Variants in NEFH observed in about 807,000 individuals in gnomAD.
The protein encoded by NEFH is neurofilament heavy polypeptide.
In NEFH, 58 loss-of-function variants were observed where a neutral mutation model predicts 56.6. The ratio of observed to expected loss-of-function variants is 1.03; its 90% CI spans 0.83 to 1.28. The LOEUF (loss-of-function observed/expected upper bound fraction) is 1.28, where lower values mean the gene tolerates loss of function less well. Ranked by LOEUF, NEFH falls within the 50% of genes most tolerant of loss-of-function variation. NEFH has a pLI of 0.00. For synonymous variants in NEFH, 542 were observed against 545.8 expected (o/e 0.99, Z 0.10); for missense variants, 1,221 against 1,307.6 (o/e 0.93, Z 1.02).
intron 2 of NEFH, among the ~76,000 whole-genome samples, chr22:29,484,316 G>C (rs1003884962): frequency 6.6e-6 from 1 of 152,192 alleles, no homozygotes; most frequent in Non-Finnish European, 1.5e-5. Context: ...TGGGTGGCCA[G>C]GGGAAGACCT....
At position 29,490,203 on chromosome 22, in the gene NEFH, GA is replaced by G; in HGVS notation, c.2564del (p.Glu855GlyfsTer62). 6.2e-7 allele frequency: 1 copy of G among 1,611,148 alleles called. No individual in the cohort carries two copies. The highest frequency in any genetic ancestry group is 1.3e-5 in the African/African-American group (1 of 74,978). On this transcript the variant is annotated frameshift_variant, in exon 4 of 4. Coordinates refer to ENST00000310624, the MANE Select transcript of NEFH (RefSeq NM_021076.4). LOFTEE classifies it high-confidence loss of function. Reference sequence around the variant, plus strand: ...AGCCCCTGCCACACCAAAAACAGAGGAGAAGAAGGACAGCAAGAAAGAGGAG... The same window carrying G: ...AGCCCCTGCCACACCAAAAACAGAGGGAAGAAGGACAGCAAGAAAGAGGAG... ...EKAPATPKTE[E>X]KKDSKKEEAP...
At position 29,490,422 on chromosome 22, in the gene NEFH, G is replaced by T. The variant is rs199532217; in HGVS notation, c.2782G>T (p.Val928Leu). The change falls in exon 4 of 4, where the codon GTA becomes TTA. Residue 928 changes from valine (V) to leucine (L), a missense_variant. This residue lies in a region of NEFH where 301 missense variants were observed against 346.6 expected (regional missense o/e 0.87). Transcript: ENST00000310624. Reference sequence around the variant, plus strand: ...CGCTAAACCCAAAGAAAAGACAGAGGTAGCCAAGAAGGAACCAGATGATGC... The same window carrying T: ...CGCTAAACCCAAAGAAAAGACAGAGTTAGCCAAGAAGGAACCAGATGATGC... ...EDAKPKEKTE[V>L]AKKEPDDAKA... The T allele has an allele frequency of 4.0e-5, 64 of 1,609,628 alleles. No homozygotes were observed. The highest frequency in any genetic ancestry group is 5.1e-5 in the Non-Finnish European group (60 of 1,179,096).
Position 29,480,340 on chromosome 22 carries a change from C to G in NEFH, c.78C>G (p.Tyr26Ter). 4 of 1,521,814 alleles carry G rather than the reference C, an allele frequency of 2.6e-6. No individual in the cohort carries two copies. Among genetic ancestry groups the G allele is most frequent in the Non-Finnish European group, 3.5e-6 (4 of 1,143,588 alleles). 94.3% of individuals were successfully genotyped at this position (1,521,814 alleles called of 1,614,324 possible). A position where few individuals can be genotyped will look rare whatever the true frequency, so the allele number is the denominator to read the frequency against. Reference protein sequence around the residue: ...APLHGGGSLHYALARKGGAGG... With the variant: ...APLHGGGSLH ...TGCATGGCGGCGGCAGCCTCCACTA[C>G]GCGCTAGCCCGAAAGGGTGGCGCAG... Residue 26 changes from tyrosine to a stop codon, truncating the protein, a stop_gained, in exon 1 of 4, where the codon TAC (tyrosine) becomes TAG (stop). Transcript: ENST00000310624. LOFTEE classifies it high-confidence loss of function.
At position 29,480,646 on chromosome 22, in the gene NEFH, G is replaced by GGCTGCGGC. The variant is rs769267635; in HGVS notation, c.393_400dup (p.Gln134ArgfsTer55). On this transcript the variant is annotated frameshift_variant, in exon 1 of 4. Transcript: ENST00000310624. LOFTEE classifies it high-confidence loss of function. Reference sequence around the variant, plus strand: ...CGCACAACCGCAGCCTGGAGGGCGAGGCTGCGGCGCTGCGGCAGCAGCAGG... The same window carrying GGCTGCGGC: ...CGCACAACCGCAGCCTGGAGGGCGAGGCTGCGGCGCTGCGGCGCTGCGGCAGCAGCAGG... The GGCTGCGGC allele has an allele frequency of 7.7e-6, 12 of 1,560,144 alleles. No homozygotes were observed. In the East Asian group the frequency reaches 2.3e-4, roughly 30 times the overall value.
intron 2 of NEFH, among the ~76,000 whole-genome samples, chr22:29,484,155 A>G (rs1436976558): frequency 2.0e-5 from 3 of 152,014 alleles, no homozygotes; most frequent in African/African-American, 4.8e-5. Context: ...TGGCCTAAAG[A>G]GATATACTTT....
chr22:29,484,734 C>A (rs1008814341), intron 2 of NEFH, among the ~76,000 whole-genome samples: 1 of 152,100 alleles, frequency 6.6e-6, no homozygotes, highest in African/African-American at 2.4e-5. Flanking sequence ...AAGGCTGAGG[C>A]AGTCATCAAT....
intron 2 of NEFH, among the ~76,000 whole-genome samples, chr22:29,484,469 G>T (rs924730895): frequency 6.6e-6 from 1 of 152,018 alleles, no homozygotes; most frequent in Non-Finnish European, 1.5e-5. Flanking sequence ...GTGAAACCCT[G>T]TCTCTACTAA....
Position 29,481,129 on chromosome 22 carries a change from C to G in NEFH, c.867C>G (p.Ser289=), listed in dbSNP as rs1042294777. The change falls in exon 1 of 4, where the codon TCC becomes TCG. Residue 289 remains serine (S), a synonymous_variant. Coordinates refer to ENST00000310624, the MANE Select transcript of NEFH (RefSeq NM_021076.4). ...EGHAVQSTLQ[S]EEWFRVRLDR... ...ACGCGGTGCAGAGCACGCTGCAGTC[C>G]GAGGAGTGGTTCCGAGGTACGCAGG... 38 of 1,529,552 alleles carry G rather than the reference C, an allele frequency of 2.5e-5. No homozygotes were observed. Among genetic ancestry groups the G allele is most frequent in the South Asian group, 3.6e-5 (3 of 83,776 alleles). The allele number at this position is 1,529,552 out of a possible 1,614,324, so 94.7% of individuals were successfully genotyped here. A position where few individuals can be genotyped will look rare whatever the true frequency, so the allele number is the denominator to read the frequency against.
chr22:29,483,765 C>T (rs114811985), intron 2 of NEFH, among the ~76,000 whole-genome samples, 191 bp downstream of exon 2: 1,115 of 92,526 alleles, frequency 0.012, 23 homozygotes, highest in African/African-American at 0.052. Context: ...CCTTTCCAGC[C>T]ATGAAAAAAA....
chr22:29,481,441 C>A (rs142582173), intron 1 of NEFH, among the ~76,000 whole-genome samples: 5 of 152,042 alleles, frequency 3.3e-5, no homozygotes, highest in Non-Finnish European at 7.4e-5. Context: ...ACTCTGAGAT[C>A]CCTCCCCCGT....
intron 2 of NEFH, among the ~76,000 whole-genome samples, chr22:29,485,342 A>G (rs2063038018): frequency 6.6e-6 from 1 of 152,142 alleles, no homozygotes; most frequent in South Asian, 2.1e-4. Context: ...ACCTCAAGTG[A>G]TCCACCCTCC....
chr22:29,480,722 CG>C lies in NEFH; in HGVS notation c.461del (p.Arg154ProfsTer32). 1 of 1,505,998 alleles carries C rather than the reference CG, an allele frequency of 6.6e-7. No individual in the cohort carries two copies. Among genetic ancestry groups the C allele is most frequent in the Non-Finnish European group, 8.8e-7 (1 of 1,135,600 alleles). The allele number at this position is 1,505,998 out of a possible 1,614,324, so 93.3% of individuals were successfully genotyped here. A position where few individuals can be genotyped will look rare whatever the true frequency, so the allele number is the denominator to read the frequency against. On this transcript the variant is annotated frameshift_variant, in exon 1 of 4. Coordinates refer to ENST00000310624, the MANE Select transcript of NEFH (RefSeq NM_021076.4). LOFTEE classifies it high-confidence loss of function. Reference protein sequence around the residue: ...ELYEREVREMRGAVLRLGAAR... With the variant: ...ELYEREVREMXGAVLRLGAAR... ...GTACGAGCGCGAGGTCCGCGAGATGCGCGGCGCGGTGCTGCGCCTGGGCGCG... is the reference window on the plus strand; with the variant it reads ...GTACGAGCGCGAGGTCCGCGAGATGCCGGCGCGGTGCTGCGCCTGGGCGCG...
In NEFH at chr22:29,481,092, A is replaced by T. The variant is rs1341113010; in HGVS notation, c.830A>T (p.Gln277Leu). The T allele has an allele frequency of 6.5e-7, 1 of 1,531,624 alleles. No homozygotes were observed. Among genetic ancestry groups the T allele is most frequent in the East Asian group, 2.5e-5 (1 of 40,716 alleles). The allele number at this position is 1,531,624 out of a possible 1,614,324, so 94.9% of individuals were successfully genotyped here. The change falls in exon 1 of 4, where the codon CAG (glutamine) becomes CTG (leucine). Residue 277 changes from glutamine (Q) to leucine (L), a missense_variant. Coordinates refer to ENST00000310624, the MANE Select transcript of NEFH (RefSeq NM_021076.4). ...TCGGCGCTGCGCGAGATTCGCGCGCAGCTTGAAGGCCACGCGGTGCAGAGC... is the reference window on the plus strand; with the variant it reads ...TCGGCGCTGCGCGAGATTCGCGCGCTGCTTGAAGGCCACGCGGTGCAGAGC... The part of the protein sequence containing the change: ...VTSALREIRA[Q>L]LEGHAVQSTL...
rs756622913 is a variant in NEFH, at chr22:29,490,940, T to C, written c.*237T>C. On this transcript the variant is annotated 3_prime_UTR_variant, in exon 4 of 4. Coordinates refer to ENST00000310624, the MANE Select transcript of NEFH (RefSeq NM_021076.4). ...GGCGATGGACAATTATGATAGCTTA[T>C]GTAGCTGAATGTGATACATGCCGAA... 8.9e-5 allele frequency: 60 copies of C among 677,840 alleles called. 1 individual carries two copies. The South Asian group carries it at 1.1e-3, about 12-fold the overall frequency. The allele number at this position is 677,840 out of a possible 1,614,324, so 42.0% of individuals were successfully genotyped here. A position where few individuals can be genotyped will look rare whatever the true frequency, so the allele number is the denominator to read the frequency against.
rs372676194 is a variant in NEFH at position 29,485,776 on chromosome 22, C to T, written c.1137C>T (p.Ala379=). The T allele has an allele frequency of 1.7e-5, 27 of 1,614,044 alleles. No homozygotes were observed. The highest frequency in any genetic ancestry group is 2.2e-5 in the Non-Finnish European group (26 of 1,180,022). Residue 379 remains alanine (A), a synonymous_variant, in exon 3 of 4, where the codon GCC becomes GCT. Coordinates refer to ENST00000310624, the MANE Select transcript of NEFH (RefSeq NM_021076.4). The part of the protein sequence containing the change: ...AELRNTKWEM[A]AQLREYQDLL... ...TGAGGAACACCAAGTGGGAGATGGCCGCCCAGCTGCGAGAATACCAGGACC... is the reference window on the plus strand; with the variant it reads ...TGAGGAACACCAAGTGGGAGATGGCTGCCCAGCTGCGAGAATACCAGGACC...
At position 29,480,234 on chromosome 22, in the gene NEFH, C is replaced by T; in HGVS notation, c.-29C>T. Reference sequence around the variant, plus strand: ...GGTGCTGCCGCAGTGCCTCCCGCCCCGTCCCGGCCTCGCGCACCTGCTCAG... The same window carrying T: ...GGTGCTGCCGCAGTGCCTCCCGCCCTGTCCCGGCCTCGCGCACCTGCTCAG... On this transcript the variant is annotated 5_prime_UTR_variant, in exon 1 of 4. Coordinates refer to ENST00000310624, the MANE Select transcript of NEFH (RefSeq NM_021076.4). 6.7e-7 allele frequency: 1 copy of T among 1,494,290 alleles called. No homozygotes were observed. The highest frequency in any genetic ancestry group is 2.8e-5 in the East Asian group (1 of 35,994). 92.6% of individuals were successfully genotyped at this position (1,494,290 alleles called of 1,614,324 possible).
intron 3 of NEFH, among the ~76,000 whole-genome samples, chr22:29,486,775 G>A (rs1298048972): frequency 6.6e-6 from 1 of 151,674 alleles, no homozygotes; most frequent in Non-Finnish European, 1.5e-5. Flanking sequence ...CGCCTACCTC[G>A]GCCTCCCAAA....
At chr22:29,483,231 A>C in intron 1 of NEFH, 144 bp from the exon 2 acceptor site, 1 of 736,728 alleles carries the variant, frequency 1.4e-6, no homozygotes, top group Admixed American at 2.3e-5. Flanking sequence ...GCGAGCTGAG[A>C]GTGCACCACT....
rs868497159 is a variant in NEFH, at chr22:29,480,608, C to A, written c.346C>A (p.Arg116=). 1.9e-6 allele frequency: 3 copies of A among 1,563,714 alleles called. No homozygotes were observed. The highest frequency in any genetic ancestry group is 2.6e-6 in the Non-Finnish European group (3 of 1,164,092). Residue 116 remains arginine, a synonymous_variant, in exon 1 of 4, where the codon CGG becomes AGG. Transcript: ENST00000310624. ...DRFAGYIDKV[R]QLEAHNRSLE... ...CTTCGCCGGGTACATCGACAAGGTG[C>A]GGCAGCTGGAGGCGCACAACCGCAG...
Sources: allele counts gnomAD v4.1 joint callset (sites outside exome capture counted in the v4.1 genomes callset), GRCh38; gene constraint gnomAD v4.1.1; regional missense constraint gnomAD v4.1.1; transcripts MANE v1.5; gene names NCBI Gene and HGNC (gene_info 2026-07-23, HGNC 2026-07-21).